Variants in TTC34 observed in about 807,000 individuals in gnomAD.
The protein encoded by TTC34 is tetratricopeptide repeat domain 34.
Under a neutral mutation model 40.7 loss-of-function variants are expected in TTC34, and 44 were observed. The observed-to-expected ratio is 1.08, with a 90% CI of 0.85 to 1.39. The LOEUF (loss-of-function observed/expected upper bound fraction) is 1.39, where lower values mean the gene tolerates loss of function less well. TTC34 is among the 40% of genes most tolerant of loss of function. TTC34 has a pLI of 0.00. For missense variants in TTC34, 884 were observed against 838.0 expected, an observed-to-expected ratio of 1.05 and a Z score of -0.68; for synonymous variants, 422 against 398.6, an observed-to-expected ratio of 1.06 and a Z score of -0.70.
At chr1:2,655,985 G>A (rs1301242626) in intron 6 of TTC34, among the ~76,000 whole-genome samples, 542 of 119,276 alleles carry the variant, frequency 4.5e-3, no homozygotes, top group African/African-American at 0.018. Flanking sequence ...CCCCAGGCGA[G>A]CATCTGAACG....
At chr1:2,666,162 A>AC (rs1639646151) in intron 6 of TTC34, among the ~76,000 whole-genome samples, 2 of 90,078 alleles carry the variant, frequency 2.2e-5, no homozygotes, top group Non-Finnish European at 5.5e-5. Context: ...CTGGAACAGC[A>AC]CCCACACCCA....
intron 6 of TTC34, among the ~76,000 whole-genome samples, chr1:2,698,526 A>C (rs1640972825): frequency 7.3e-6 from 1 of 136,276 alleles, no homozygotes; most frequent in African/African-American, 3.0e-5. Flanking sequence ...AGCACCCCAC[A>C]CCCCCAGGTG....
In TTC34 at chr1:2,645,531, C is replaced by A; in HGVS notation, c.2259G>T (p.Lys753Asn). 1 of 1,202,986 alleles carries A rather than the reference C, an allele frequency of 8.3e-7. No homozygotes were observed. 74.5% of individuals were successfully genotyped at this position (1,202,986 alleles called of 1,614,324 possible). Reference sequence around the variant, plus strand: ...CAGGGACCACAGTCCCGGGGCCGAGCTTCAGAGCAGAGACGATGTCGTCCA... The same window carrying A: ...CAGGGACCACAGTCCCGGGGCCGAGATTCAGAGCAGAGACGATGTCGTCCA... Residue 753 changes from lysine (K) to asparagine (N), a missense_variant, in exon 7 of 9, where the codon AAG (lysine) becomes AAT (asparagine). By Grantham distance (94) the Lys-to-Asn change is moderately conservative (BLOSUM62 0). Coordinates refer to ENST00000401095, the Ensembl canonical transcript of TTC34. The surrounding 1 kb of genome is among the most constrained non-coding windows in gnomAD (Gnocchi z 4.7).
In TTC34 at chr1:2,777,481, A is replaced by T. The variant is rs574064147; in HGVS notation, c.2226+6128T>A. Among the ~76,000 whole-genome samples the T allele has an allele frequency of 1.7e-3, 254 of 151,808 alleles. 2 individuals carry two copies. Among genetic ancestry groups the T allele is most frequent in the African/African-American group, 5.7e-3 (237 of 41,338 alleles). On this transcript the variant is annotated intron_variant, in intron 6 of 8. Coordinates refer to ENST00000401095, the Ensembl canonical transcript of TTC34. ...CCCGGTTAGTGTCTGAATTCCTGGA[A>T]TATGTGCTGTCCTTTTCCACCAGGT...
intron 6 of TTC34, among the ~76,000 whole-genome samples, chr1:2,778,444 C>A (rs1367105266): frequency 6.6e-6 from 1 of 152,184 alleles, no homozygotes; most frequent in African/African-American, 2.4e-5. Context: ...TGGACCCCTC[C>A]CATCCCTGCC....
chr1:2,645,900 G>A lies in TTC34; in HGVS notation c.2227-337C>T, dbSNP rs991888614. 6.6e-6 allele frequency among the ~76,000 whole-genome samples: 1 copy of A among 152,154 alleles called. No homozygotes were observed. Among genetic ancestry groups the A allele is most frequent in the African/African-American group, 2.4e-5 (1 of 41,510 alleles). ...TCTGTGAGCCCTCCCTGGGTCCCTC[G>A]CTCTCCCAGCTTGTAGCTGGCTCCC... On this transcript the variant is annotated intron_variant, in intron 6 of 8. Coordinates refer to ENST00000401095, the Ensembl canonical transcript of TTC34. This position sits in a 1 kb window ranked among gnomAD's most constrained non-coding sequence, Gnocchi z 4.7.
chr1:2,787,620 G>C (rs1360543693), exon 4 of TTC34: 1 of 1,549,996 alleles, frequency 6.5e-7, no homozygotes, highest in Non-Finnish European at 8.7e-7. Context: ...GCGGTACAGG[G>C]CATCAGCCGC....
intron 6 of TTC34, 35 bp downstream of exon 6, chr1:2,783,574 G>C: frequency 7.5e-7 from 1 of 1,340,234 alleles, no homozygotes; most frequent in African/African-American, 1.5e-5. Context: ...CCCCACCCGT[G>C]CTTGCCCAGG....
At chr1:2,699,393 C>G (rs541121170) in intron 6 of TTC34, among the ~76,000 whole-genome samples, 10 of 106,684 alleles carry the variant, frequency 9.4e-5, no homozygotes, top group African/African-American at 3.0e-4. Flanking sequence ...CATCTGACAG[C>G]CTGGAACAGC....
chr1:2,645,776 G>C lies in TTC34; in HGVS notation c.2227-213C>G, dbSNP rs1263611209. On this transcript the variant is annotated intron_variant, in intron 6 of 8. Coordinates refer to ENST00000401095, the Ensembl canonical transcript of TTC34. This position sits in a 1 kb window ranked among gnomAD's most constrained non-coding sequence, Gnocchi z 4.7. ...CCTGATTCTGGTTAGCATTTGAGGG[G>C]ACTCAGCTCACTGACCTTGACTCTG... Among the ~76,000 whole-genome samples the C allele has an allele frequency of 6.6e-6, 1 of 152,112 alleles. No homozygotes were observed. The highest frequency in any genetic ancestry group is 1.5e-5 in the Non-Finnish European group (1 of 68,014).
At chr1:2,775,864 G>A (rs1393330544) in intron 6 of TTC34, among the ~76,000 whole-genome samples, 1 of 143,076 alleles carries the variant, frequency 7.0e-6, no homozygotes, top group African/African-American at 2.9e-5. Flanking sequence ...GAGGTTGGGA[G>A]TGCCAGTCCA....
chr1:2,785,544 G>A (rs961786146), intron 5 of TTC34, among the ~76,000 whole-genome samples: 2 of 152,198 alleles, frequency 1.3e-5, no homozygotes, highest in Non-Finnish European at 2.9e-5. Context: ...CAGGACTGGG[G>A]GTGCTGGGAC....
At chr1:2,683,519 G>A (rs577713122) in intron 6 of TTC34, among the ~76,000 whole-genome samples, 2 of 150,582 alleles carry the variant, frequency 1.3e-5, no homozygotes, top group African/African-American at 2.5e-5. Flanking sequence ...ACACCACCAG[G>A]TGAGCATCTG....
chr1:2,652,531 GCGAGCATTGGAAAGC>G (rs1310991535), intron 6 of TTC34, among the ~76,000 whole-genome samples: 98 of 150,530 alleles, frequency 6.5e-4, no homozygotes, highest in African/African-American at 2.0e-3. Context: ...ACACCTCCAG[GCGAGCATTGGAAAGC>G]CTGGAGCAGC....
chr1:2,675,072 T>A (rs1403218855), intron 6 of TTC34, among the ~76,000 whole-genome samples: 1 of 53,356 alleles, frequency 1.9e-5, no homozygotes. Flanking sequence ...TCAGGAGCAG[T>A]GCCCACACAC....
rs971900907 is a variant in TTC34, at chr1:2,796,557, G to A, written c.784+3487C>T. Among the ~76,000 whole-genome samples, 4 of 152,116 alleles carry A rather than the reference G, an allele frequency of 2.6e-5. No homozygotes were observed. The highest frequency in any genetic ancestry group is 4.4e-5 in the Non-Finnish European group (3 of 68,024). On this transcript the variant is annotated intron_variant, in intron 2 of 8. Coordinates refer to ENST00000401095, the Ensembl canonical transcript of TTC34. The surrounding 1 kb of genome is among the most constrained non-coding windows in gnomAD (Gnocchi z 4.5). The stretch of plus-strand genomic sequence containing the variant: ...GTCTTCCCTCACATTCCCCAAGCCT[G>A]CAACACTTGGGGGGTTCTGGATTTC...
At chr1:2,769,662 C>T (rs372201587) in intron 6 of TTC34, among the ~76,000 whole-genome samples, 1,534 of 129,064 alleles carry the variant, frequency 0.012, 43 homozygotes, top group East Asian at 0.079. Flanking sequence ...CCTGGAGCAG[C>T]ACCCTACACC....
At chr1:2,647,971 G>A (rs894277941) in intron 6 of TTC34, among the ~76,000 whole-genome samples, 12 of 150,162 alleles carry the variant, frequency 8.0e-5, no homozygotes, top group Non-Finnish European at 1.2e-4. Context: ...GATATGCTGC[G>A]TTTCAGATCT....
At chr1:2,642,241 C>T (rs1297016367) in intron 8 of TTC34, among the ~76,000 whole-genome samples, 3 of 152,176 alleles carry the variant, frequency 2.0e-5, no homozygotes, top group Non-Finnish European at 2.9e-5. Context: ...CTCATGGTCC[C>T]CTCCTGGCAG....
Sources: allele counts gnomAD v4.1 joint callset (sites outside exome capture counted in the v4.1 genomes callset), GRCh38; gene constraint gnomAD v4.1.1; non-coding constraint Gnocchi (gnomAD v3.1); transcripts MANE v1.5; gene names NCBI Gene and HGNC (gene_info 2026-07-23, HGNC 2026-07-21).